PLXDC2: variants seen among roughly 807,000 people sequenced by gnomAD.
The protein encoded by PLXDC2 is plexin domain containing 2, also known as plexin domain-containing protein 2.
Under a neutral mutation model 68.9 loss-of-function variants are expected in PLXDC2, and 40 were observed. That is an observed-to-expected ratio of 0.58 (90% confidence interval 0.45 to 0.76). PLXDC2 has a LOEUF of 0.76. PLXDC2 is among the 30% of genes least tolerant of loss of function. The pLI, the probability that PLXDC2 is intolerant of heterozygous loss-of-function variation, is 0.00. For synonymous variants in PLXDC2, 243 were observed against 234.2 expected, an observed-to-expected ratio of 1.04 and a Z score of -0.34; for missense variants, 644 against 661.9, an observed-to-expected ratio of 0.97 and a Z score of 0.30.
At chr10:20,224,672 G>T (rs1232895830) in intron 12 of PLXDC2, among the ~76,000 whole-genome samples, 1 of 152,128 alleles carries the variant, frequency 6.6e-6, no homozygotes, top group Non-Finnish European at 1.5e-5. Flanking sequence ...GTGCCACTCT[G>T]CTACACTGCA....
At chr10:20,246,844 C>T (rs1048524188) in intron 13 of PLXDC2, among the ~76,000 whole-genome samples, 2 of 151,944 alleles carry the variant, frequency 1.3e-5, no homozygotes, top group African/African-American at 4.8e-5. Flanking sequence ...AATTATAATG[C>T]CTTTTTTTTA....
rs532925785 is a variant in PLXDC2 at position 20,054,196 on chromosome 10, T to C, written c.471+7181T>C. On this transcript the variant is annotated intron_variant, in intron 3 of 13. Transcript: ENST00000377252. Reference sequence around the variant, plus strand: ...GGTGATTGTGCCCAAACTGAGTTGTTAGGATTTTTACTGAAGGAGGGTCAG... The same window carrying C: ...GGTGATTGTGCCCAAACTGAGTTGTCAGGATTTTTACTGAAGGAGGGTCAG... Among the ~76,000 whole-genome samples the C allele has an allele frequency of 5.5e-4, 84 of 151,950 alleles. 1 individual carries two copies. Among genetic ancestry groups the C allele is most frequent in the African/African-American group, 2.0e-3 (81 of 41,458 alleles).
chr10:19,851,541 T>C (rs1837118304), intron 1 of PLXDC2, among the ~76,000 whole-genome samples: 1 of 152,088 alleles, frequency 6.6e-6, no homozygotes, highest in Non-Finnish European at 1.5e-5. Context: ...TTTTCTCTCA[T>C]TTATTTTTAT....
At chr10:20,041,637 T>C (rs1459957335) in intron 2 of PLXDC2, among the ~76,000 whole-genome samples, 1 of 152,150 alleles carries the variant, frequency 6.6e-6, no homozygotes, top group Non-Finnish European at 1.5e-5. Flanking sequence ...TTTTTTCCCC[T>C]GCAATTTATG....
intron 3 of PLXDC2, among the ~76,000 whole-genome samples, chr10:20,054,040 G>C (rs183875188): frequency 2.6e-4 from 40 of 152,086 alleles, no homozygotes; most frequent in Admixed American, 7.9e-4. Context: ...TTGTATTTAG[G>C]GCTATTGCAA....
At chr10:19,826,415 T>C (rs1057195824) in intron 1 of PLXDC2, among the ~76,000 whole-genome samples, 1 of 152,228 alleles carries the variant, frequency 6.6e-6, no homozygotes, top group African/African-American at 2.4e-5. Flanking sequence ...GTCTTTGCAC[T>C]TTTTTTCTTG....
At chr10:20,258,787 C>A (rs558040610) in intron 13 of PLXDC2, among the ~76,000 whole-genome samples, 40 of 152,164 alleles carry the variant, frequency 2.6e-4, no homozygotes, top group Non-Finnish European at 5.0e-4. Flanking sequence ...GAGTGCGAAT[C>A]ACGAGGTCAG....
intron 1 of PLXDC2, among the ~76,000 whole-genome samples, chr10:19,939,451 G>A (rs1833779789): frequency 6.6e-6 from 1 of 152,028 alleles, no homozygotes; most frequent in Admixed American, 6.5e-5. Flanking sequence ...CTCAATGATA[G>A]TTAAATTACA....
rs969806020 is a variant in PLXDC2, at chr10:20,287,979, C to T, written c.*8160C>T. ...AGAAGAAATTGGGCACTTCTTGCGGCGGGGGAGGGGGGGGGGGCGGTGGCT... is the reference window on the plus strand; with the variant it reads ...AGAAGAAATTGGGCACTTCTTGCGGTGGGGGAGGGGGGGGGGGCGGTGGCT... On this transcript the variant is annotated 3_prime_UTR_variant, in exon 14 of 14. Coordinates refer to ENST00000377252, the MANE Select transcript of PLXDC2 (RefSeq NM_032812.9). 7 of 12,406 alleles carry T rather than the reference C, an allele frequency of 5.6e-4. No homozygotes were observed. Among genetic ancestry groups the T allele is most frequent in the Admixed American group, 2.4e-3 (3 of 1,276 alleles). 0.8% of individuals were successfully genotyped at this position (12,406 alleles called of 1,614,324 possible).
chr10:19,924,250 C>G (rs1050143694), intron 1 of PLXDC2, among the ~76,000 whole-genome samples: 1 of 152,138 alleles, frequency 6.6e-6, no homozygotes, highest in African/African-American at 2.4e-5. Context: ...TCACTCTCTT[C>G]CTTTACGTTT....
In PLXDC2 at chr10:20,288,750, C is replaced by T. The variant is rs184490295; in HGVS notation, c.*8931C>T. On this transcript the variant is annotated 3_prime_UTR_variant, in exon 14 of 14. Coordinates refer to ENST00000377252, the MANE Select transcript of PLXDC2 (RefSeq NM_032812.9). ...AAGTTTCTCTGCAGCTCTTTCGGTT[C>T]TGCTTACAGTGTGTGGGAAATCTGA... The T allele has an allele frequency of 1.3e-5, 2 of 152,278 alleles. No individual in the cohort carries two copies. Among genetic ancestry groups the T allele is most frequent in the East Asian group, 3.9e-4 (2 of 5,170 alleles). 9.4% of individuals were successfully genotyped at this position (152,278 alleles called of 1,614,324 possible).
rs1589598639 is a variant in PLXDC2, at chr10:20,037,114, A to G, written c.325-9755A>G. On this transcript the variant is annotated intron_variant, in intron 2 of 13. Coordinates refer to ENST00000377252, the MANE Select transcript of PLXDC2 (RefSeq NM_032812.9). Reference sequence around the variant, plus strand: ...GATCTAGTTCAACTCCTTCCTATACAGACTAAAGCCTGAAACTTACAGTGC... The same window carrying G: ...GATCTAGTTCAACTCCTTCCTATACGGACTAAAGCCTGAAACTTACAGTGC... Among the ~76,000 whole-genome samples the G allele has an allele frequency of 2.6e-5, 4 of 152,336 alleles. No homozygotes were observed. The South Asian group carries it at 8.3e-4, about 32-fold the overall frequency.
At chr10:19,842,311 C>G (rs1295623729) in intron 1 of PLXDC2, among the ~76,000 whole-genome samples, 3 of 152,146 alleles carry the variant, frequency 2.0e-5, no homozygotes. Context: ...TTATCTATGT[C>G]TCTTCACTGA....
chr10:20,050,776 A>G (rs1168443685), intron 3 of PLXDC2, among the ~76,000 whole-genome samples: 3 of 152,138 alleles, frequency 2.0e-5, no homozygotes, highest in African/African-American at 7.2e-5. Flanking sequence ...ACACTTATAC[A>G]CTGTTGGTGA....
At chr10:19,973,951 A>AT (rs1459063131) in intron 1 of PLXDC2, among the ~76,000 whole-genome samples, 2 of 152,102 alleles carry the variant, frequency 1.3e-5, no homozygotes, top group Non-Finnish European at 2.9e-5. Context: ...AGAACATCTC[A>AT]TTTTTTCAAG....
chr10:20,217,596 C>CTTT lies in PLXDC2; in HGVS notation c.1273+46_1273+48dup, dbSNP rs66483508. ...CAGAAGGTACCCAAGAGATAGTTTG[C>CTTT]TTTTTTTTTTTTTTTTTTTTTTTTT... is the stretch of plus-strand genomic sequence containing the variant. On this transcript the variant is annotated intron_variant, in intron 11 of 13. Coordinates refer to ENST00000377252, the MANE Select transcript of PLXDC2 (RefSeq NM_032812.9). 10,651 of 782,082 alleles carry CTTT rather than the reference C, an allele frequency of 0.014. 102 individuals are homozygous for CTTT. The highest frequency in any genetic ancestry group is 0.034 in the African/African-American group (976 of 28,386). The allele number at this position is 782,082 out of a possible 1,614,324, so 48.4% of individuals were successfully genotyped here.
intron 1 of PLXDC2, among the ~76,000 whole-genome samples, chr10:19,873,053 A>C (rs1388966322): frequency 1.3e-5 from 2 of 152,138 alleles, no homozygotes; most frequent in African/African-American, 4.8e-5. Context: ...ATACAGCAAA[A>C]CGGTCGGTAC....
chr10:20,068,159 G>A lies in PLXDC2; in HGVS notation c.472-11G>A. On this transcript the variant is annotated splice_polypyrimidine_tract_variant and intron_variant, in intron 3 of 13. Transcript: ENST00000377252. ...ATTATTGATTTTTTTCTCTGGTGTT[G>A]TTCTTTGCAGAGAGTGAATCTGTCC... 1 of 1,607,778 alleles carries A rather than the reference G, an allele frequency of 6.2e-7. No individual in the cohort carries two copies. The highest frequency in any genetic ancestry group is 8.5e-7 in the Non-Finnish European group (1 of 1,175,240).
At chr10:19,958,580 T>G (rs1190864815) in intron 1 of PLXDC2, among the ~76,000 whole-genome samples, 1 of 151,918 alleles carries the variant, frequency 6.6e-6, no homozygotes, top group African/African-American at 2.4e-5. Context: ...TGGAACTGCA[T>G]GTAAAATATG....
Sources: gnomAD v4.1 joint callset for allele counts (sites outside exome capture counted in the v4.1 genomes callset) on GRCh38, gnomAD v4.1.1 for gene constraint, MANE v1.5 for transcripts, NCBI Gene and HGNC (gene_info 2026-07-23, HGNC 2026-07-21) for gene names.